SFMBT2: variants seen among roughly 807,000 people sequenced by gnomAD.
SFMBT2 encodes the protein Scm like with four mbt domains 2, also known as scm-like with four MBT domains protein 2.
A neutral mutation model predicts 110.1 loss-of-function variants in SFMBT2; 38 were observed. That is an observed-to-expected ratio of 0.35 (90% CI 0.27 to 0.45). The LOEUF is 0.45. SFMBT2 is among the 20% of genes least tolerant of loss of function. The pLI, the probability that SFMBT2 is intolerant of heterozygous loss-of-function variation, is 1.00. For missense variants in SFMBT2, 1,011 were observed against 1,094.9 expected, an observed-to-expected ratio of 0.92 and a Z score of 1.08; for synonymous variants, 425 against 425.4, an observed-to-expected ratio of 1.00 and a Z score of 0.01.
At chr10:7,175,122 G>A (rs1194434942) in intron 17 of SFMBT2, among the ~76,000 whole-genome samples, 1 of 152,256 alleles carries the variant, frequency 6.6e-6, no homozygotes, top group African/African-American at 2.4e-5. Context: ...CCAAGCCCTT[G>A]TCACATCCCA....
intron 13 of SFMBT2, chr10:7,200,879 C>A (rs1473221939): frequency 2.5e-6 from 1 of 398,266 alleles, no homozygotes; most frequent in Non-Finnish European, 3.4e-6. Context: ...TAATTGAAAA[C>A]CACTTTCCAC....
At chr10:7,274,595 C>T (rs1197056472) in intron 7 of SFMBT2, among the ~76,000 whole-genome samples, 1 of 152,186 alleles carries the variant, frequency 6.6e-6, no homozygotes, top group East Asian at 1.9e-4. Context: ...TTTTAAGTTT[C>T]CTGAGGCCTC....
intron 20 of SFMBT2, among the ~76,000 whole-genome samples, chr10:7,169,649 A>G (rs1289656488): frequency 6.6e-6 from 1 of 152,218 alleles, no homozygotes; most frequent in Non-Finnish European, 1.5e-5. Flanking sequence ...ACACCAGGAC[A>G]ACGCAAGAAA....
At chr10:7,356,400 T>G (rs1439875519) in intron 4 of SFMBT2, among the ~76,000 whole-genome samples, 1 of 151,962 alleles carries the variant, frequency 6.6e-6, no homozygotes, top group Non-Finnish European at 1.5e-5. Flanking sequence ...TGCGTTTTGT[T>G]GTTGTTGTTG....
rs1841898400 is a variant in SFMBT2 at position 7,279,807 on chromosome 10, CA to C, written c.773-2819del. Among the ~76,000 whole-genome samples the C allele has an allele frequency of 2.0e-5, 3 of 152,162 alleles. No individual in the cohort carries two copies. The South Asian group carries it at 6.2e-4, about 32-fold the overall frequency. ...AATGCATAACATAATCATCAATAAACAAAGACCTAGAGAAACAACTCTTCTT... is the reference window on the plus strand; with the variant it reads ...AATGCATAACATAATCATCAATAAACAAGACCTAGAGAAACAACTCTTCTT... On this transcript the variant is annotated intron_variant, in intron 6 of 20. Coordinates refer to ENST00000397167, the MANE Select transcript of SFMBT2 (RefSeq NM_001387889.1).
rs369479041 is a variant in SFMBT2, at chr10:7,349,440, C to CTTTTTTTTTTT, written c.436+18198_436+18208dup. Reference sequence around the variant, plus strand: ...CCCTGACTCTTTTTTCTTTTCTTTTCTTTTTTTTTTTTTTTTTTTTTTTTT... The same window carrying CTTTTTTTTTTT: ...CCCTGACTCTTTTTTCTTTTCTTTTCTTTTTTTTTTTTTTTTTTTTTTTTTTTTTTTTTTTT... On this transcript the variant is annotated intron_variant, in intron 4 of 20. Transcript: ENST00000397167. 7.8e-3 allele frequency among the ~76,000 whole-genome samples: 366 copies of CTTTTTTTTTTT among 46,892 alleles called. 80 individuals carry two copies. The highest frequency in any genetic ancestry group is 0.015 in the African/African-American group (167 of 10,994). 30.8% of individuals were successfully genotyped at this position (46,892 alleles called of 152,430 possible).
At chr10:7,382,650 C>T (rs982221997) in intron 1 of SFMBT2, among the ~76,000 whole-genome samples, 1 of 152,116 alleles carries the variant, frequency 6.6e-6, no homozygotes, top group Non-Finnish European at 1.5e-5. Context: ...CCCACACAAC[C>T]TCAGCATCCC....
At chr10:7,270,715 C>G (rs1347990912) in intron 7 of SFMBT2, among the ~76,000 whole-genome samples, 1 of 152,174 alleles carries the variant, frequency 6.6e-6, no homozygotes, top group Admixed American at 6.5e-5. Context: ...CTCACATACC[C>G]TACCAAAATA....
intron 11 of SFMBT2, chr10:7,219,718 A>G (rs1839662796): frequency 2.6e-6 from 1 of 383,272 alleles, no homozygotes; most frequent in South Asian, 1.0e-4. Flanking sequence ...AAAAAAAACC[A>G]AAGAATTATA....
At chr10:7,204,188 G>C in intron 12 of SFMBT2, 1 of 279,052 alleles carries the variant, frequency 3.6e-6, no homozygotes, top group African/African-American at 2.3e-5. Context: ...ATAGAATCCA[G>C]CTGTCTCTAA....
At chr10:7,249,622 T>G in intron 7 of SFMBT2, 1 of 886,774 alleles carries the variant, frequency 1.1e-6, no homozygotes, top group Non-Finnish European at 1.4e-6. Context: ...GGGTTTTTAA[T>G]TACTCCAACG....
At chr10:7,382,571 C>T (rs575830478) in intron 1 of SFMBT2, among the ~76,000 whole-genome samples, 145 of 152,234 alleles carry the variant, frequency 9.5e-4, no homozygotes, top group Non-Finnish European at 1.6e-3. Flanking sequence ...TTTCAGTCCT[C>T]GATCCACCAT....
intron 4 of SFMBT2, among the ~76,000 whole-genome samples, chr10:7,333,461 T>C (rs929512221): frequency 2.0e-5 from 3 of 150,708 alleles, no homozygotes; most frequent in African/African-American, 4.9e-5. Context: ...GGCATGATCA[T>C]AGCTCACTAC....
chr10:7,333,445 T>G (rs1232998486), intron 4 of SFMBT2, among the ~76,000 whole-genome samples: 1 of 149,842 alleles, frequency 6.7e-6, no homozygotes, highest in East Asian at 2.0e-4. Flanking sequence ...CAGGCTGGAG[T>G]GCAGTGGCAT....
chr10:7,293,124 C>A lies in SFMBT2; in HGVS notation c.437-7170G>T, dbSNP rs1842309334. ...AATGCAGTGGCGCGATCTCGACTCA[C>A]TGCAACCTCCACCTCCTGGGTTCAA... On this transcript the variant is annotated intron_variant, in intron 4 of 20. Transcript: ENST00000397167. This position sits in a 1 kb window ranked among gnomAD's most constrained non-coding sequence, Gnocchi z 4.6. Among the ~76,000 whole-genome samples, 1 of 152,182 alleles carries A rather than the reference C, an allele frequency of 6.6e-6. No homozygotes were observed. Among genetic ancestry groups the A allele is most frequent in the Non-Finnish European group, 1.5e-5 (1 of 68,026 alleles).
At position 7,342,497 on chromosome 10, in the gene SFMBT2, C is replaced by T. The variant is rs935129811; in HGVS notation, c.436+25152G>A. Among the ~76,000 whole-genome samples the T allele has an allele frequency of 3.3e-5, 5 of 149,344 alleles. No individual in the cohort carries two copies. The East Asian group carries it at 6.0e-4, about 18-fold the overall frequency. On this transcript the variant is annotated intron_variant, in intron 4 of 20. Transcript: ENST00000397167. ...AATCTCGGCTCACTGCAAACTCCGC[C>T]TCCCGGGTTCATGCCATTCTCCTGC...
intron 7 of SFMBT2, among the ~76,000 whole-genome samples, chr10:7,268,442 A>G (rs987064280): frequency 6.6e-6 from 1 of 152,210 alleles, no homozygotes; most frequent in Admixed American, 6.5e-5. Context: ...ATATGTCATA[A>G]GTTAATCAAA....
At chr10:7,410,405 C>G (rs1316509338) in intron 1 of SFMBT2, among the ~76,000 whole-genome samples, 1 of 152,220 alleles carries the variant, frequency 6.6e-6, no homozygotes, top group Non-Finnish European at 1.5e-5. Flanking sequence ...CGCGGGAGCG[C>G]GGGGTAGGTA....
At chr10:7,229,670 A>G (rs1840053337) in intron 9 of SFMBT2, among the ~76,000 whole-genome samples, 1 of 151,294 alleles carries the variant, frequency 6.6e-6, no homozygotes, top group African/African-American at 2.4e-5. Context: ...TCCCAAGCAA[A>G]GAATACGAAT....
Sources: allele counts gnomAD v4.1 joint callset (sites outside exome capture counted in the v4.1 genomes callset), GRCh38; gene constraint gnomAD v4.1.1; non-coding constraint Gnocchi (gnomAD v3.1); transcripts MANE v1.5; gene names NCBI Gene and HGNC (gene_info 2026-07-23, HGNC 2026-07-21).